SORCS1: variants seen among roughly 807,000 people sequenced by gnomAD.
The protein encoded by SORCS1 is VPS10 domain-containing receptor SorCS1.
In SORCS1, 60 loss-of-function variants were observed where a neutral mutation model predicts 146.1. The ratio of observed to expected loss-of-function variants is 0.41; its 90% confidence interval spans 0.33 to 0.51. The LOEUF is 0.51. Among genes scored for constraint, SORCS1 ranks in the 20% least tolerant of loss-of-function variants. SORCS1 has a pLI of 0.21. For missense variants in SORCS1, 1,352 were observed against 1,487.6 expected, an observed-to-expected ratio of 0.91 and a Z score of 1.50; for synonymous variants, 637 against 584.0, an observed-to-expected ratio of 1.09 and a Z score of -1.31.
At chr10:106,600,563 G>A in intron 23 of SORCS1, 1 of 985,264 alleles carries the variant, frequency 1.0e-6, no homozygotes, top group Non-Finnish European at 1.2e-6. Context: ...TGTTTATCCT[G>A]TATTTTTTCA....
At position 106,636,054 on chromosome 10, in the gene SORCS1, T is replaced by C. The variant is rs547546092; in HGVS notation, c.2476-6666A>G. Among the ~76,000 whole-genome samples the C allele has an allele frequency of 1.3e-4, 20 of 152,218 alleles. 1 individual carries two copies. The South Asian group carries it at 4.1e-3, about 32-fold the overall frequency. On this transcript the variant is annotated intron_variant, in intron 18 of 25. Transcript: ENST00000263054. Reference sequence around the variant, plus strand: ...AGAGAAGAGATTTCATCAGCCAGTGTAGTAAATGCATGGCATGCGACTTTG... The same window carrying C: ...AGAGAAGAGATTTCATCAGCCAGTGCAGTAAATGCATGGCATGCGACTTTG...
At chr10:106,794,810 T>C (rs1946472832) in intron 3 of SORCS1, among the ~76,000 whole-genome samples, 2 of 152,104 alleles carry the variant, frequency 1.3e-5, no homozygotes, top group Non-Finnish European at 2.9e-5. Flanking sequence ...GCCCTCATTG[T>C]TTCCTTTTCT....
At chr10:106,971,105 A>G (rs1955765392) in intron 1 of SORCS1, among the ~76,000 whole-genome samples, 1 of 151,684 alleles carries the variant, frequency 6.6e-6, no homozygotes, top group Non-Finnish European at 1.5e-5. Context: ...CACCCTTTAC[A>G]CTGTTGCCAC....
upstream of SORCS1, among the ~76,000 whole-genome samples, chr10:107,168,378 T>G (rs142193875): frequency 6.6e-6 from 1 of 152,332 alleles, no homozygotes; most frequent in Non-Finnish European, 1.5e-5. Context: ...ATTACAGCAT[T>G]TAATTATTTT....
intron 8 of SORCS1, among the ~76,000 whole-genome samples, chr10:106,701,400 G>C (rs757056659): frequency 2.5e-4 from 38 of 152,260 alleles, no homozygotes; most frequent in Non-Finnish European, 5.3e-4. Context: ...AACTGAATAG[G>C]TGATGGGCAG....
chr10:106,972,599 T>C (rs1295782893), intron 1 of SORCS1, among the ~76,000 whole-genome samples: 3 of 151,982 alleles, frequency 2.0e-5, no homozygotes, highest in African/African-American at 4.8e-5. Context: ...GGGCTGAGAT[T>C]TGAATCTGAA....
intron 1 of SORCS1, among the ~76,000 whole-genome samples, chr10:106,993,676 T>C (rs1435584033): frequency 6.6e-6 from 1 of 152,174 alleles, no homozygotes; most frequent in Non-Finnish European, 1.5e-5. Context: ...TGTTTGAATG[T>C]ATACATGAGG....
chr10:107,042,966 C>A (rs1959182048), intron 1 of SORCS1, among the ~76,000 whole-genome samples: 1 of 152,120 alleles, frequency 6.6e-6, no homozygotes. Context: ...GTGGTTATCC[C>A]AAGAATAAAT....
intron 3 of SORCS1, among the ~76,000 whole-genome samples, chr10:106,815,542 G>T (rs1589458091): frequency 6.6e-6 from 1 of 152,162 alleles, no homozygotes; most frequent in African/African-American, 2.4e-5. Flanking sequence ...TTTATCAAAT[G>T]AGCTTGATCA....
chr10:106,718,654 T>G (rs1383900620), intron 6 of SORCS1, among the ~76,000 whole-genome samples: 1 of 152,180 alleles, frequency 6.6e-6, no homozygotes, highest in African/African-American at 2.4e-5. Flanking sequence ...CTGGCTGGGG[T>G]GGCCAGCTTT....
At chr10:106,605,587 ATGT>A (rs1846519848) in intron 23 of SORCS1, among the ~76,000 whole-genome samples, 1 of 152,166 alleles carries the variant, frequency 6.6e-6, no homozygotes, top group Non-Finnish European at 1.5e-5. Context: ...GTTCTTGACA[ATGT>A]TGTGATAAGA....
chr10:106,930,634 G>A (rs565994913), intron 2 of SORCS1, among the ~76,000 whole-genome samples: 29 of 152,236 alleles, frequency 1.9e-4, no homozygotes, highest in Admixed American at 1.4e-3. Context: ...TTATAACATC[G>A]CATGCTTGAA....
intron 1 of SORCS1, among the ~76,000 whole-genome samples, chr10:107,129,052 T>G (rs1464043607): frequency 6.6e-6 from 1 of 152,186 alleles, no homozygotes; most frequent in East Asian, 1.9e-4. Context: ...CGTACAAATA[T>G]CAAGGCAATA....
At chr10:107,062,955 T>C (rs760228981) in intron 1 of SORCS1, among the ~76,000 whole-genome samples, 2 of 152,196 alleles carry the variant, frequency 1.3e-5, no homozygotes, top group Non-Finnish European at 2.9e-5. Context: ...GGAATAAATA[T>C]GCTTCTATAA....
intron 1 of SORCS1, among the ~76,000 whole-genome samples, chr10:106,993,941 G>GC (rs1956879653): frequency 6.6e-6 from 1 of 151,646 alleles, no homozygotes; most frequent in African/African-American, 2.4e-5. Flanking sequence ...AGGCAATGCG[G>GC]CCCATGCCTG....
At chr10:106,836,696 A>G (rs1360678176) in intron 2 of SORCS1, among the ~76,000 whole-genome samples, 1 of 151,986 alleles carries the variant, frequency 6.6e-6, no homozygotes, top group African/African-American at 2.4e-5. Flanking sequence ...TTTTCTTTAT[A>G]CCTATTAAAA....
chr10:107,108,571 C>G (rs1418383189), intron 1 of SORCS1, among the ~76,000 whole-genome samples: 1 of 152,098 alleles, frequency 6.6e-6, no homozygotes, highest in African/African-American at 2.4e-5. Context: ...CCCACCAGGC[C>G]CCACCTCAAA....
At chr10:107,062,392 G>A (rs1394816316) in intron 1 of SORCS1, among the ~76,000 whole-genome samples, 3 of 151,780 alleles carry the variant, frequency 2.0e-5, no homozygotes, top group Admixed American at 6.6e-5. Flanking sequence ...ATTAGTTTGG[G>A]TGGTGGCACA....
intron 1 of SORCS1, among the ~76,000 whole-genome samples, chr10:107,132,813 G>T (rs1966960932): frequency 6.6e-6 from 1 of 151,976 alleles, no homozygotes; most frequent in African/African-American, 2.4e-5. Flanking sequence ...TACTCTATGT[G>T]TATAACCATA....
Sources: gnomAD v4.1 joint callset for allele counts (sites outside exome capture counted in the v4.1 genomes callset) on GRCh38, gnomAD v4.1.1 for gene constraint, MANE v1.5 for transcripts, NCBI Gene and HGNC (gene_info 2026-07-23, HGNC 2026-07-21) for gene names.